Variants in DSCAM observed in about 807,000 individuals in gnomAD.
The protein encoded by DSCAM is DS cell adhesion molecule, also known as cell adhesion molecule DSCAM.
Under a neutral mutation model 217.7 loss-of-function variants are expected in DSCAM, and 47 were observed. The ratio of observed to expected loss-of-function variants is 0.22; its 90% CI spans 0.17 to 0.28. The LOEUF (loss-of-function observed/expected upper bound fraction) is 0.28. Ranked by LOEUF, DSCAM falls within the 10% of genes least tolerant of loss-of-function variation. DSCAM has a pLI of 1.00. For missense variants in DSCAM, 2,080 were observed against 2,618.3 expected, an observed-to-expected ratio of 0.79 and a Z score of 4.49; for synonymous variants, 1,056 against 1,015.3, an observed-to-expected ratio of 1.04 and a Z score of -0.76.
intron 11 of DSCAM, among the ~76,000 whole-genome samples, chr21:40,268,615 G>A (rs3933205): frequency 6.6e-6 from 1 of 151,818 alleles, no homozygotes; most frequent in Non-Finnish European, 1.5e-5. Context: ...AGGAGGAGGA[G>A]GAGAACAGTG....
rs114476659 is a variant in DSCAM, at chr21:40,252,491, A to G, written c.2356+23606T>C. On this transcript the variant is annotated intron_variant, in intron 11 of 32. Transcript: ENST00000400454. The stretch of plus-strand genomic sequence containing the variant: ...TCATAAATTTCAGATCTTGAGTAGG[A>G]AAAAGAGAAATATTTCTATCACCAT... Among the ~76,000 whole-genome samples the G allele has an allele frequency of 6.6e-3, 1,000 of 152,304 alleles. 15 individuals are homozygous for G. The highest frequency in any genetic ancestry group is 0.023 in the African/African-American group (959 of 41,572).
intron 1 of DSCAM, among the ~76,000 whole-genome samples, chr21:40,801,735 T>C (rs1569043261): frequency 6.6e-6 from 1 of 152,180 alleles, no homozygotes; most frequent in Non-Finnish European, 1.5e-5. Flanking sequence ...TCAGTATACA[T>C]GTAGCGCTAA....
chr21:40,512,532 C>A (rs1264819704), intron 3 of DSCAM, among the ~76,000 whole-genome samples: 1 of 152,130 alleles, frequency 6.6e-6, no homozygotes, highest in Admixed American at 6.5e-5. Flanking sequence ...AGGCTGTCTT[C>A]ACGTTTGCGG....
At chr21:40,755,166 G>C (rs1569020312) in intron 1 of DSCAM, among the ~76,000 whole-genome samples, 1 of 152,158 alleles carries the variant, frequency 6.6e-6, no homozygotes, top group African/African-American at 2.4e-5. Context: ...GTTGCCTAGG[G>C]TCCAGTTACG....
At chr21:40,365,053 T>C (rs2074817177) in intron 4 of DSCAM, among the ~76,000 whole-genome samples, 1 of 150,864 alleles carries the variant, frequency 6.6e-6, no homozygotes, top group Non-Finnish European at 1.5e-5. Flanking sequence ...TAAAAATGAG[T>C]ATCTATAATA....
intron 3 of DSCAM, among the ~76,000 whole-genome samples, chr21:40,395,250 T>A (rs2075168531): frequency 6.6e-6 from 1 of 152,152 alleles, no homozygotes; most frequent in African/African-American, 2.4e-5. Flanking sequence ...ATTTTATTTT[T>A]ATTTTAATGA....
intron 11 of DSCAM, among the ~76,000 whole-genome samples, chr21:40,196,169 G>C (rs2091005612): frequency 6.6e-6 from 1 of 152,174 alleles, no homozygotes; most frequent in Non-Finnish European, 1.5e-5. Context: ...GGTGATGTGG[G>C]GTTAGGTGGT....
chr21:40,131,407 T>A (rs182157952), intron 19 of DSCAM, among the ~76,000 whole-genome samples: 1 of 152,328 alleles, frequency 6.6e-6, no homozygotes, highest in East Asian at 1.9e-4. Context: ...TCTTCTCTTC[T>A]TCCACCCAAT....
chr21:40,342,821 A>AG (rs2074513914), intron 6 of DSCAM, among the ~76,000 whole-genome samples: 2 of 142,380 alleles, frequency 1.4e-5, no homozygotes, highest in Admixed American at 1.4e-4. Flanking sequence ...TCCTGGGCTA[A>AG]GGGCCTCAGC....
intron 11 of DSCAM, among the ~76,000 whole-genome samples, chr21:40,217,613 C>A (rs894205470): frequency 7.2e-5 from 11 of 152,126 alleles, no homozygotes; most frequent in Non-Finnish European, 1.0e-4. Context: ...ATTTACACTT[C>A]CACCAATAGT....
chr21:40,687,389 G>A (rs2090490977), intron 3 of DSCAM, among the ~76,000 whole-genome samples: 1 of 152,134 alleles, frequency 6.6e-6, no homozygotes, highest in Non-Finnish European at 1.5e-5. Flanking sequence ...CCGCAAGATA[G>A]CAGCCACAGC....
At chr21:40,629,103 GTGTGTGTGTGTGTGTGA>G (rs2089652387) in intron 3 of DSCAM, among the ~76,000 whole-genome samples, 1 of 129,102 alleles carries the variant, frequency 7.7e-6, no homozygotes, top group Non-Finnish European at 1.7e-5. Flanking sequence ...GTGTGTGTGT[GTGTGTGTGTGTGTGTGA>G]TATTACTTAC....
chr21:40,537,658 CACAG>C (rs1368768603), intron 3 of DSCAM, among the ~76,000 whole-genome samples: 4 of 152,058 alleles, frequency 2.6e-5, no homozygotes, highest in African/African-American at 9.7e-5. Flanking sequence ...GAAATTTGGA[CACAG>C]ACAGACACAC....
At chr21:40,242,286 C>T (rs1190254694) in intron 11 of DSCAM, among the ~76,000 whole-genome samples, 2 of 152,124 alleles carry the variant, frequency 1.3e-5, no homozygotes, top group Non-Finnish European at 2.9e-5. Flanking sequence ...ATCGTGAGTG[C>T]TGTCTGTCAC....
chr21:40,684,283 T>C (rs572789671), intron 3 of DSCAM, among the ~76,000 whole-genome samples: 1 of 152,198 alleles, frequency 6.6e-6, no homozygotes, highest in African/African-American at 2.4e-5. Flanking sequence ...GTGCCCAGTC[T>C]GCAGGAACGC....
rs373454302 is a variant in DSCAM, at chr21:40,487,703, G to A, written c.509-118458C>T. On this transcript the variant is annotated intron_variant, in intron 3 of 32. Coordinates refer to ENST00000400454, the MANE Select transcript of DSCAM (RefSeq NM_001389.5). ...TTAATAATCTTAGAGACGGAACCAG[G>A]GGAGAGGCAGTGAAGATGGGCAGCT... is the stretch of plus-strand genomic sequence containing the variant. Among the ~76,000 whole-genome samples, 37 of 152,280 alleles carry A rather than the reference G, an allele frequency of 2.4e-4. No individual in the cohort carries two copies. The South Asian group carries it at 7.3e-3, about 30-fold the overall frequency.
At chr21:40,289,431 A>G (rs1435864329) in intron 10 of DSCAM, among the ~76,000 whole-genome samples, 1 of 152,184 alleles carries the variant, frequency 6.6e-6, no homozygotes, top group Non-Finnish European at 1.5e-5. Context: ...GTACACAACA[A>G]TCTTTTTCTG....
intron 11 of DSCAM, among the ~76,000 whole-genome samples, chr21:40,192,460 T>G (rs1027461962): frequency 1.3e-5 from 2 of 152,222 alleles, no homozygotes; most frequent in Admixed American, 6.5e-5. Flanking sequence ...TTCCCCTTCC[T>G]GCCGCCATGT....
intron 3 of DSCAM, among the ~76,000 whole-genome samples, chr21:40,526,574 CG>C (rs2076402378): frequency 6.6e-6 from 1 of 151,794 alleles, no homozygotes. Context: ...TAGGTGAGGC[CG>C]GGGGGTGGGA....
Sources: allele counts gnomAD v4.1 joint callset (sites outside exome capture counted in the v4.1 genomes callset), GRCh38; gene constraint gnomAD v4.1.1; transcripts MANE v1.5; gene names NCBI Gene and HGNC (gene_info 2026-07-23, HGNC 2026-07-21).